The following MMP27 variants were observed in gnomAD, a reference collection of about 807,000 sequenced individuals.
The protein encoded by MMP27 is matrix metalloproteinase-27.
In MMP27, 51 loss-of-function variants were observed where a neutral mutation model predicts 48.1. That is an observed-to-expected ratio of 1.06 (90% CI 0.85 to 1.34). The LOEUF is 1.34. Among genes scored for constraint, MMP27 ranks in the 40% most tolerant of loss-of-function variants. MMP27 has a pLI of 0.00. For synonymous variants in MMP27, 229 were observed against 208.9 expected (o/e 1.10, Z -0.83); for missense variants, 698 against 619.3 (o/e 1.13, Z -1.35).
intron 7 of MMP27, 139 bp from the exon 8 acceptor site, chr11:102,694,204 C>T: frequency 1.9e-6 from 1 of 522,438 alleles, no homozygotes; most frequent in African/African-American, 2.0e-5. Flanking sequence ...TTCATTCCTA[C>T]CACTTTCTTT....
chr11:102,696,441 C>T lies in MMP27; in HGVS notation c.832G>A (p.Ala278Thr). The T allele has an allele frequency of 6.2e-7, 1 of 1,613,802 alleles. No homozygotes were observed. Among genetic ancestry groups the T allele is most frequent in the Non-Finnish European group, 8.5e-7 (1 of 1,179,844 alleles). The change falls in exon 6 of 10, where the codon GCC (alanine) becomes ACC (threonine). Residue 278 changes from alanine to threonine, a missense_variant. Ala to Thr is a moderately conservative substitution (Grantham distance 58). Coordinates refer to ENST00000260229, the MANE Select transcript of MMP27 (RefSeq NM_022122.3). ...TCAAAAGTCAAGTCAGGGTCACAGGCATGGGGTATAGTGGGTTCCTTTGGC... is the reference window on the plus strand; with the variant it reads ...TCAAAAGTCAAGTCAGGGTCACAGGTATGGGGTATAGTGGGTTCCTTTGGC... Reference protein sequence around the residue: ...AKPKEPTIPHACDPDLTFDAI... With the variant: ...AKPKEPTIPHTCDPDLTFDAI...
chr11:102,692,892 AAC>A (rs754443940), intron 9 of MMP27, 44 bp downstream of exon 9: 27 of 1,506,586 alleles, frequency 1.8e-5, no homozygotes, highest in Admixed American at 1.2e-4. Context: ...TTTCACAGTC[AAC>A]ACAGTCTCTC....
chr11:102,694,900 A>G (rs1055658952), intron 7 of MMP27, 67 bp downstream of exon 7: 1 of 1,581,902 alleles, frequency 6.3e-7, no homozygotes, highest in Admixed American at 1.8e-5. Context: ...TATTTCTTAC[A>G]CCAAAATATC....
chr11:102,695,240 T>C, intron 6 of MMP27, 143 bp from the exon 7 acceptor site: 2 of 965,346 alleles, frequency 2.1e-6, no homozygotes, highest in Non-Finnish European at 3.1e-6. Flanking sequence ...CCCCAGTAAA[T>C]TTAGGTGATT....
At position 102,702,676 on chromosome 11, in the gene MMP27, C is replaced by T. The variant is rs1045038775; in HGVS notation, c.619+77G>A. 2.0e-6 allele frequency: 3 copies of T among 1,475,578 alleles called. No homozygotes were observed. The Admixed American group carries it at 6.8e-5, about 34-fold the overall frequency. 91.4% of individuals were successfully genotyped at this position (1,475,578 alleles called of 1,614,324 possible). ...CATTGGGAACTTTACAGTTAAAAAG[C>T]AGCTAGTTACAAAGCTATTCTTTTC... On this transcript the variant is annotated intron_variant, in intron 4 of 9. Coordinates refer to ENST00000260229, the MANE Select transcript of MMP27 (RefSeq NM_022122.3).
chr11:102,691,945 G>A lies in MMP27; in HGVS notation c.1363C>T (p.Arg455Ter), dbSNP rs201080440. 2.7e-5 allele frequency: 44 copies of A among 1,612,854 alleles called. No individual in the cohort carries two copies. The highest frequency in any genetic ancestry group is 8.0e-5 in the African/African-American group (6 of 74,958). Reference protein sequence around the residue: ...EYDIKTKNITRIMRTNTWFQC... With the variant: ...EYDIKTKNIT ...AACCAAGTATTAGTTCTCATGATTC[G>A]GGTAATATTCTTTGTCTTAATGTCG... Residue 455 changes from arginine (R) to a stop codon, truncating the protein, a stop_gained, in exon 10 of 10, where the codon CGA becomes TGA. Coordinates refer to ENST00000260229, the MANE Select transcript of MMP27 (RefSeq NM_022122.3). LOFTEE classifies it low-confidence loss of function (END_TRUNC).
chr11:102,703,021 T>G lies in MMP27; in HGVS notation c.439A>C (p.Thr147Pro), dbSNP rs745891333. 1.7e-5 allele frequency: 27 copies of G among 1,614,094 alleles called. No homozygotes were observed. Among genetic ancestry groups the G allele is most frequent in the Non-Finnish European group, 2.2e-5 (26 of 1,180,020 alleles). The part of the protein sequence containing the change: ...VWSKVTPLKF[T>P]KISKGIADIM... Reference sequence around the variant, plus strand: ...TCTGCAATCCCCTTTGAAATCTTGGTGAATTTTAGTGGAGTGACTTTGCTC... The same window carrying G: ...TCTGCAATCCCCTTTGAAATCTTGGGGAATTTTAGTGGAGTGACTTTGCTC... Residue 147 changes from threonine to proline, a missense_variant, in exon 3 of 10, where the codon ACC becomes CCC. Thr to Pro is a conservative substitution (Grantham distance 38). Coordinates refer to ENST00000260229, the MANE Select transcript of MMP27 (RefSeq NM_022122.3).
intron 4 of MMP27, among the ~76,000 whole-genome samples, chr11:102,699,741 T>A (rs1369692932): frequency 1.3e-5 from 2 of 152,236 alleles, no homozygotes; most frequent in Non-Finnish European, 2.9e-5. Flanking sequence ...GAAAAATAAT[T>A]CAAGCTCAGA....
chr11:102,699,315 A>C (rs539882312), intron 4 of MMP27, among the ~76,000 whole-genome samples: 28 of 152,200 alleles, frequency 1.8e-4, no homozygotes, highest in African/African-American at 6.3e-4. Flanking sequence ...AAAGAAAAAA[A>C]AAATTAGCCA....
Position 102,696,414 on chromosome 11 carries a change from C to G in MMP27, c.859G>C (p.Ala287Pro). ...HACDPDLTFD[A>P]ITTFRREVMF... is the part of the protein sequence containing the mutation. ...ACTTCTCTGCGGAAAGTTGTGATAG[C>G]GTCAAAAGTCAAGTCAGGGTCACAG... Residue 287 changes from alanine (A) to proline (P), a missense_variant, in exon 6 of 10, where the codon GCT becomes CCT. Coordinates refer to ENST00000260229, the MANE Select transcript of MMP27 (RefSeq NM_022122.3). The G allele has an allele frequency of 6.2e-7, 1 of 1,613,690 alleles. No homozygotes were observed. Among genetic ancestry groups the G allele is most frequent in the South Asian group, 1.1e-5 (1 of 91,066 alleles).
chr11:102,703,521 T>C (rs917856765), intron 2 of MMP27, among the ~76,000 whole-genome samples: 1 of 146,418 alleles, frequency 6.8e-6, no homozygotes, highest in Middle Eastern at 3.5e-3. Flanking sequence ...GTACCATATA[T>C]TAAGAACTTT....
At chr11:102,694,932 A>T in intron 7 of MMP27, 35 bp downstream of exon 7, 1 of 1,611,522 alleles carries the variant, frequency 6.2e-7, no homozygotes, top group South Asian at 1.1e-5. Flanking sequence ...TCAGGCAGCC[A>T]GAGGGAGAAG....
At chr11:102,697,804 TA>T (rs1202927091) in intron 4 of MMP27, among the ~76,000 whole-genome samples, 1 of 152,202 alleles carries the variant, frequency 6.6e-6, no homozygotes, top group Non-Finnish European at 1.5e-5. Flanking sequence ...ATACCTGGCC[TA>T]AACTTTTAAA....
intron 1 of MMP27, among the ~76,000 whole-genome samples, chr11:102,705,022 G>A (rs1359231405): frequency 1.3e-5 from 2 of 152,172 alleles, no homozygotes; most frequent in African/African-American, 4.8e-5. Flanking sequence ...ACCAGAATTA[G>A]CCAAAGCACG....
intron 4 of MMP27, 95 bp from the exon 5 acceptor site, chr11:102,696,930 A>G: frequency 7.5e-7 from 1 of 1,332,798 alleles, no homozygotes; most frequent in Non-Finnish European, 1.0e-6. Flanking sequence ...AATGAAATAA[A>G]GGCTTGCTAT....
At chr11:102,699,056 G>A (rs1456283256) in intron 4 of MMP27, among the ~76,000 whole-genome samples, 1 of 152,188 alleles carries the variant, frequency 6.6e-6, no homozygotes, top group Non-Finnish European at 1.5e-5. Flanking sequence ...AAAATGGTTA[G>A]ATGTGTTTCC....
At chr11:102,703,809 C>A (rs1164925375) in intron 2 of MMP27, among the ~76,000 whole-genome samples, 1 of 152,218 alleles carries the variant, frequency 6.6e-6, no homozygotes, top group Non-Finnish European at 1.5e-5. Context: ...CAGGCATGAG[C>A]CACCACACCC....
intron 1 of MMP27, among the ~76,000 whole-genome samples, chr11:102,705,155 T>C (rs767392240): frequency 6.6e-6 from 1 of 152,228 alleles, no homozygotes; most frequent in Admixed American, 6.5e-5. Flanking sequence ...CTAGGATAAA[T>C]AAGTGATTAT....
At chr11:102,704,226 T>A (rs750972407) in intron 2 of MMP27, among the ~76,000 whole-genome samples, 1 of 152,216 alleles carries the variant, frequency 6.6e-6, no homozygotes, top group African/African-American at 2.4e-5. Flanking sequence ...TGCAGTCAGA[T>A]GACAGTATTT....
Sources: allele counts gnomAD v4.1 joint callset (sites outside exome capture counted in the v4.1 genomes callset), GRCh38; gene constraint gnomAD v4.1.1; transcripts MANE v1.5; gene names NCBI Gene and HGNC (gene_info 2026-07-23, HGNC 2026-07-21).